KCNQ1: variants seen among roughly 807,000 people sequenced by gnomAD.
The protein encoded by KCNQ1 is potassium voltage-gated channel subfamily Q member 1, also known as potassium voltage-gated channel subfamily KQT member 1.
A neutral mutation model predicts 72.4 loss-of-function variants in KCNQ1; 49 were observed. The ratio of observed to expected loss-of-function variants is 0.68; its 90% CI spans 0.54 to 0.86. The LOEUF (loss-of-function observed/expected upper bound fraction) is 0.86, where lower values mean the gene tolerates loss of function less well. KCNQ1 is among the 40% of genes least tolerant of loss of function. The pLI is 0.00. For missense variants in KCNQ1, 790 were observed against 945.1 expected (o/e 0.84, Z 2.15); for synonymous variants, 450 against 412.6 (o/e 1.09, Z -1.10).
rs916110906 is a variant in KCNQ1, at chr11:2,608,399, C to T, written c.1393+19545C>T. 5 of 398,562 alleles carry T rather than the reference C, an allele frequency of 1.3e-5. No individual in the cohort carries two copies. Among genetic ancestry groups the T allele is most frequent in the East Asian group, 3.6e-5 (1 of 28,070 alleles). The allele number at this position is 398,562 out of a possible 1,614,324, so 24.7% of individuals were successfully genotyped here. A position where few individuals can be genotyped will look rare whatever the true frequency, so the allele number is the denominator to read the frequency against. On this transcript the variant is annotated intron_variant, in intron 10 of 15. Coordinates refer to ENST00000155840, the MANE Select transcript of KCNQ1 (RefSeq NM_000218.3). The surrounding 1 kb of genome is among the most constrained non-coding windows in gnomAD (Gnocchi z 4.6). ...ATCTAAGTTTTATAATTTATTGGCA[C>T]AAAATTGTTCATAGTGTTCCTTCAT...
chr11:2,619,945 G>A (rs2133802413), intron 10 of KCNQ1: 1 of 365,700 alleles, frequency 2.7e-6, no homozygotes, highest in African/African-American at 2.2e-5. Flanking sequence ...ATGAGGTTTG[G>A]AGTGTGGATA....
chr11:2,672,654 GA>G (rs1850207498), intron 11 of KCNQ1: 3 of 398,602 alleles, frequency 7.5e-6, no homozygotes, highest in Non-Finnish European at 1.3e-5. Flanking sequence ...ACTGAGACCA[GA>G]TATGATAGGA....
rs1334876172 is a variant in KCNQ1, at chr11:2,711,602, G to A, written c.1514+49521G>A. ...TATCCCACCAACCTCTGTACCCCAC[G>A]GCCATGCACAAGGCACAGGGTCCCA... On this transcript the variant is annotated intron_variant, in intron 11 of 15. Transcript: ENST00000155840. The surrounding 1 kb of genome is among the most constrained non-coding windows in gnomAD (Gnocchi z 5.4). Among the ~76,000 whole-genome samples the A allele has an allele frequency of 1.3e-5, 2 of 152,154 alleles. No homozygotes were observed. The highest frequency in any genetic ancestry group is 1.9e-4 in the East Asian group (1 of 5,166).
At chr11:2,520,416 C>G (rs1847361192) in intron 1 of KCNQ1, among the ~76,000 whole-genome samples, 1 of 152,196 alleles carries the variant, frequency 6.6e-6, no homozygotes, top group South Asian at 2.1e-4. Context: ...GCCCAGGCTC[C>G]ATCCATGCAG....
chr11:2,705,469 G>A (rs1235176025), intron 11 of KCNQ1, among the ~76,000 whole-genome samples: 4 of 150,190 alleles, frequency 2.7e-5, no homozygotes, highest in Non-Finnish European at 5.9e-5. Flanking sequence ...CTGGTTGGGT[G>A]CCAGGCACGG....
chr11:2,733,660 G>C (rs1293329500), intron 11 of KCNQ1, among the ~76,000 whole-genome samples: 2 of 151,988 alleles, frequency 1.3e-5, no homozygotes, highest in Non-Finnish European at 2.9e-5. Context: ...CCCTGGGGGA[G>C]GAGCCAGGCC....
intron 11 of KCNQ1, among the ~76,000 whole-genome samples, chr11:2,705,873 C>T (rs1354523543): frequency 6.6e-6 from 1 of 152,214 alleles, no homozygotes; most frequent in Non-Finnish European, 1.5e-5. Flanking sequence ...AGAGCCTACT[C>T]CATTCCCAGC....
At chr11:2,778,377 C>A (rs921424221) in intron 15 of KCNQ1, among the ~76,000 whole-genome samples, 5 of 152,272 alleles carry the variant, frequency 3.3e-5, no homozygotes, top group Non-Finnish European at 7.3e-5. Context: ...TGGCTGTGTC[C>A]TGAGTGGAGG....
chr11:2,718,386 C>T (rs1041180137), intron 11 of KCNQ1, among the ~76,000 whole-genome samples: 103 of 152,342 alleles, frequency 6.8e-4, no homozygotes, highest in African/African-American at 2.4e-3. Flanking sequence ...CCTCAGGGCC[C>T]CTCCTGAAGC....
intron 4 of KCNQ1, 140 bp downstream of exon 4, chr11:2,571,543 C>T (rs1033451802): frequency 4.0e-5 from 30 of 741,958 alleles, no homozygotes; most frequent in Non-Finnish European, 5.9e-5. Flanking sequence ...GGCACTGAGC[C>T]ATGTGCTGGG....
Position 2,784,367 on chromosome 11 carries a change from A to G in KCNQ1, c.1794+6330A>G, listed in dbSNP as rs1564891940. Among the ~76,000 whole-genome samples, 1 of 151,938 alleles carries G rather than the reference A, an allele frequency of 6.6e-6. No individual in the cohort carries two copies. Among genetic ancestry groups the G allele is most frequent in the Non-Finnish European group, 1.5e-5 (1 of 67,830 alleles). On this transcript the variant is annotated intron_variant, in intron 15 of 15. Transcript: ENST00000155840. This position sits in a 1 kb window ranked among gnomAD's most constrained non-coding sequence, Gnocchi z 4.7. Reference sequence around the variant, plus strand: ...TTTCAATTCTATTATGTTGGTCTATATGCCTTTCTGTAAGTCTATATGCCT... The same window carrying G: ...TTTCAATTCTATTATGTTGGTCTATGTGCCTTTCTGTAAGTCTATATGCCT...
rs939317919 is a variant in KCNQ1 at position 2,783,474 on chromosome 11, G to A, written c.1794+5437G>A. On this transcript the variant is annotated intron_variant, in intron 15 of 15. Coordinates refer to ENST00000155840, the MANE Select transcript of KCNQ1 (RefSeq NM_000218.3). The surrounding 1 kb of genome is among the most constrained non-coding windows in gnomAD (Gnocchi z 5.2). ...ATCCACTGGAACAAGCTTGTTAGTT[G>A]GTCTGTTCAAATCTTCTATATTCTC... 2.0e-5 allele frequency among the ~76,000 whole-genome samples: 3 copies of A among 151,954 alleles called. No individual in the cohort carries two copies. The highest frequency in any genetic ancestry group is 4.4e-5 in the Non-Finnish European group (3 of 67,908).
rs1423569995 is a variant in KCNQ1, at chr11:2,720,076, G to A, written c.1515-48768G>A. ...TCCCTTACTGTCCGTGTCCCTCCAT[G>A]CCAGCTCACTGGAGGGGCTCCTGCT... On this transcript the variant is annotated intron_variant, in intron 11 of 15. Coordinates refer to ENST00000155840, the MANE Select transcript of KCNQ1 (RefSeq NM_000218.3). The surrounding 1 kb of genome is among the most constrained non-coding windows in gnomAD (Gnocchi z 5.1). 1.3e-5 allele frequency among the ~76,000 whole-genome samples: 2 copies of A among 152,204 alleles called. No individual in the cohort carries two copies. The highest frequency in any genetic ancestry group is 2.9e-5 in the Non-Finnish European group (2 of 68,038).
intron 15 of KCNQ1, among the ~76,000 whole-genome samples, chr11:2,789,844 A>G (rs1846983765): frequency 6.6e-6 from 1 of 152,168 alleles, no homozygotes; most frequent in East Asian, 1.9e-4. Flanking sequence ...GTGATGGGAA[A>G]GGGAACCTCA....
intron 1 of KCNQ1, among the ~76,000 whole-genome samples, chr11:2,480,253 C>T (rs1472968891): frequency 6.6e-6 from 1 of 152,198 alleles, no homozygotes; most frequent in Non-Finnish European, 1.5e-5. Flanking sequence ...CCGCACCCCA[C>T]TCCCAGTACC....
chr11:2,688,057 A>T (rs1403019140), intron 11 of KCNQ1: 1 of 398,686 alleles, frequency 2.5e-6, no homozygotes, highest in African/African-American at 2.1e-5. Context: ...AGCTGCAGCC[A>T]TGGAGTTGGT....
rs1846416887 is a variant in KCNQ1, at chr11:2,762,437, T to C, written c.1515-6407T>C. Among the ~76,000 whole-genome samples the C allele has an allele frequency of 6.6e-6, 1 of 152,154 alleles. No individual in the cohort carries two copies. Among genetic ancestry groups the C allele is most frequent in the African/African-American group, 2.4e-5 (1 of 41,432 alleles). ...ACTTTCACAGGTGCATCCACATTGT[T>C]CCAGCACCCTTTATTGAAAAGCGTA... On this transcript the variant is annotated intron_variant, in intron 11 of 15. Coordinates refer to ENST00000155840, the MANE Select transcript of KCNQ1 (RefSeq NM_000218.3). The surrounding 1 kb of genome is among the most constrained non-coding windows in gnomAD (Gnocchi z 4.3).
chr11:2,634,805 A>G, intron 10 of KCNQ1: 1 of 152,212 alleles, frequency 6.6e-6, no homozygotes, highest in Admixed American at 6.5e-5. Flanking sequence ...AACAGTGTAA[A>G]AGCGTTCCTA....
rs1214126579 is a variant in KCNQ1 at position 2,566,936 on chromosome 11, G to A, written c.478-3692G>A. Among the ~76,000 whole-genome samples the A allele has an allele frequency of 6.6e-6, 1 of 151,466 alleles. No homozygotes were observed. Among genetic ancestry groups the A allele is most frequent in the Non-Finnish European group, 1.5e-5 (1 of 67,776 alleles). ...GCTCTCAGAGGGATTGGGGGTGATG[G>A]GGGTGCTGAGCTGGCCTGAGAAGGG... On this transcript the variant is annotated intron_variant, in intron 2 of 15. Coordinates refer to ENST00000155840, the MANE Select transcript of KCNQ1 (RefSeq NM_000218.3). The surrounding 1 kb of genome is among the most constrained non-coding windows in gnomAD (Gnocchi z 6.7).
Sources: gnomAD v4.1 joint callset for allele counts (sites outside exome capture counted in the v4.1 genomes callset) on GRCh38, gnomAD v4.1.1 for gene constraint, Gnocchi (gnomAD v3.1) non-coding constraint, MANE v1.5 for transcripts, NCBI Gene and HGNC (gene_info 2026-07-23, HGNC 2026-07-21) for gene names.